NRXN1: variants seen among roughly 807,000 people sequenced by gnomAD.
NRXN1 encodes the protein neurexin 1, also known as neurexin-1.
In NRXN1, 39 loss-of-function variants were observed where a neutral mutation model predicts 150.9. The observed-to-expected ratio is 0.26, with a 90% CI of 0.20 to 0.34. The LOEUF (loss-of-function observed/expected upper bound fraction) is 0.34. Ranked by LOEUF, NRXN1 falls within the 10% of genes least tolerant of loss-of-function variation. The pLI is 1.00. For missense variants in NRXN1, 1,815 were observed against 1,949.9 expected (o/e 0.93, Z 1.30); for synonymous variants, 924 against 757.0 (o/e 1.22, Z -3.62).
chr2:50,967,012 A>T (rs1694213681), intron 2 of NRXN1, among the ~76,000 whole-genome samples: 1 of 151,940 alleles, frequency 6.6e-6, no homozygotes, highest in African/African-American at 2.4e-5. Context: ...CAAACTGTCA[A>T]TAACCAGGAA....
At chr2:50,496,521 G>A (rs950258040) in intron 14 of NRXN1, among the ~76,000 whole-genome samples, 2 of 152,056 alleles carry the variant, frequency 1.3e-5, no homozygotes, top group African/African-American at 4.8e-5. Flanking sequence ...CAACATCCAG[G>A]TCAGATAGCC....
chr2:50,596,596 T>C (rs1053672226), intron 8 of NRXN1, among the ~76,000 whole-genome samples: 2 of 152,206 alleles, frequency 1.3e-5, no homozygotes, highest in Non-Finnish European at 2.9e-5. Flanking sequence ...TGATACTGTG[T>C]AGTTCACAGT....
intron 21 of NRXN1, among the ~76,000 whole-genome samples, chr2:49,947,806 A>G (rs1188337025): frequency 6.6e-6 from 1 of 152,096 alleles, no homozygotes; most frequent in Non-Finnish European, 1.5e-5. Flanking sequence ...TATGGACAGC[A>G]TAATAGTATC....
At chr2:50,111,054 G>A (rs556737440) in intron 18 of NRXN1, among the ~76,000 whole-genome samples, 3 of 152,178 alleles carry the variant, frequency 2.0e-5, no homozygotes, top group Non-Finnish European at 2.9e-5. Flanking sequence ...TTTTGGAGAC[G>A]ATAAACAGGA....
At chr2:50,726,682 A>C (rs1172094919) in intron 5 of NRXN1, among the ~76,000 whole-genome samples, 1 of 152,198 alleles carries the variant, frequency 6.6e-6, no homozygotes, top group African/African-American at 2.4e-5. Flanking sequence ...AAATAATGAC[A>C]GAAGCCACCT....
At chr2:50,899,838 T>A (rs907464004) in intron 5 of NRXN1, among the ~76,000 whole-genome samples, 94 of 152,282 alleles carry the variant, frequency 6.2e-4, no homozygotes, top group African/African-American at 2.2e-3. Flanking sequence ...TTAAGAAGCA[T>A]AAACGTCAGG....
At chr2:50,815,422 T>C (rs1027698986) in intron 5 of NRXN1, among the ~76,000 whole-genome samples, 1 of 152,168 alleles carries the variant, frequency 6.6e-6, no homozygotes, top group Non-Finnish European at 1.5e-5. Flanking sequence ...ATATTTCATA[T>C]ACTAAAACAC....
intron 8 of NRXN1, among the ~76,000 whole-genome samples, chr2:50,598,239 C>G (rs559440293): frequency 2.0e-5 from 3 of 152,008 alleles, no homozygotes; most frequent in African/African-American, 4.8e-5. Flanking sequence ...TTTTGCCTGC[C>G]CTTATCCAGT....
intron 5 of NRXN1, among the ~76,000 whole-genome samples, chr2:50,849,853 T>C (rs924811092): frequency 6.6e-6 from 1 of 152,136 alleles, no homozygotes; most frequent in African/African-American, 2.4e-5. Context: ...TGCTTCTACC[T>C]TCCCCAGTAC....
chr2:50,447,579 T>C (rs2086543741), intron 17 of NRXN1, among the ~76,000 whole-genome samples: 2 of 145,240 alleles, frequency 1.4e-5, no homozygotes, highest in South Asian at 4.3e-4. Flanking sequence ...TTTCAAAAGA[T>C]AGCTCTGTTT....
At chr2:50,541,001 C>T (rs954429753) in intron 9 of NRXN1, among the ~76,000 whole-genome samples, 1 of 152,150 alleles carries the variant, frequency 6.6e-6, no homozygotes, top group Middle Eastern at 3.4e-3. Flanking sequence ...AAGGATTCTA[C>T]TCTATTTTCC....
At chr2:50,725,992 G>T (rs182137745) in intron 5 of NRXN1, among the ~76,000 whole-genome samples, 1 of 152,108 alleles carries the variant, frequency 6.6e-6, no homozygotes, top group African/African-American at 2.4e-5. Context: ...ACAAACCAGC[G>T]TCAGATTAAA....
At chr2:50,378,150 T>C (rs1436525082) in intron 17 of NRXN1, among the ~76,000 whole-genome samples, 1 of 152,176 alleles carries the variant, frequency 6.6e-6, no homozygotes, top group Admixed American at 6.5e-5. Context: ...TATGCATTAG[T>C]CAATAAGTTT....
chr2:50,268,751 A>G (rs2069194719), intron 17 of NRXN1, among the ~76,000 whole-genome samples: 3 of 152,182 alleles, frequency 2.0e-5, no homozygotes, highest in Non-Finnish European at 4.4e-5. Context: ...TTACCTCCCA[A>G]TTAATCTCCA....
At chr2:50,499,323 G>C (rs1341009456) in intron 13 of NRXN1, among the ~76,000 whole-genome samples, 1 of 152,068 alleles carries the variant, frequency 6.6e-6, no homozygotes, top group Non-Finnish European at 1.5e-5. Context: ...TTCAGCCATT[G>C]GTTTGTTCTG....
At chr2:50,048,069 T>C (rs1692114952) in intron 21 of NRXN1, among the ~76,000 whole-genome samples, 1 of 152,044 alleles carries the variant, frequency 6.6e-6, no homozygotes, top group African/African-American at 2.4e-5. Flanking sequence ...TCCTTTAAAA[T>C]GCATTACTCT....
At chr2:50,748,394 C>G (rs925602386) in intron 5 of NRXN1, among the ~76,000 whole-genome samples, 2 of 152,100 alleles carry the variant, frequency 1.3e-5, no homozygotes, top group Non-Finnish European at 2.9e-5. Flanking sequence ...CATTTAACCT[C>G]AAAAGAATCT....
intron 2 of NRXN1, among the ~76,000 whole-genome samples, chr2:50,985,034 C>T (rs533367811): frequency 6.6e-6 from 1 of 151,920 alleles, no homozygotes; most frequent in South Asian, 2.1e-4. Context: ...CATGAAAAGA[C>T]AGAATATATA....
chr2:50,989,541 A>C (rs911575002), intron 2 of NRXN1, among the ~76,000 whole-genome samples: 6 of 151,994 alleles, frequency 3.9e-5, no homozygotes, highest in Non-Finnish European at 8.8e-5. Context: ...CCATAATAAT[A>C]GAATGATATA....
Sources: gnomAD v4.1 joint callset for allele counts (sites outside exome capture counted in the v4.1 genomes callset) on GRCh38, gnomAD v4.1.1 for gene constraint, MANE v1.5 for transcripts, NCBI Gene and HGNC (gene_info 2026-07-23, HGNC 2026-07-21) for gene names.